The following LNX1 variants were observed in gnomAD, a reference collection of about 807,000 sequenced individuals.
LNX1 encodes ligand of numb-protein X 1, also known as E3 ubiquitin-protein ligase LNX.
LNX1 carries 54 observed loss-of-function variants against 68.4 expected under a neutral mutation model. The ratio of observed to expected loss-of-function variants is 0.79; its 90% confidence interval spans 0.63 to 0.99. LNX1 has a LOEUF of 0.99. Ranked by LOEUF, LNX1 falls within the 50% of genes least tolerant of loss-of-function variation. The pLI, the probability that LNX1 is intolerant of heterozygous loss-of-function variation, is 0.00. For synonymous variants in LNX1, 336 were observed against 350.0 expected, an observed-to-expected ratio of 0.96 and a Z score of 0.45; for missense variants, 906 against 926.4, an observed-to-expected ratio of 0.98 and a Z score of 0.29.
chr4:53,570,374 T>G (rs530188620), intron 2 of LNX1, among the ~76,000 whole-genome samples: 214 of 148,972 alleles, frequency 1.4e-3, no homozygotes, highest in African/African-American at 5.1e-3. Context: ...GGGACATGGA[T>G]GAAATTGGAA....
At chr4:53,538,297 T>G (rs1256309484) in intron 2 of LNX1, among the ~76,000 whole-genome samples, 1 of 152,188 alleles carries the variant, frequency 6.6e-6, no homozygotes, top group Non-Finnish European at 1.5e-5. Context: ...CAAGACCCTC[T>G]TCTTTCAGGC....
At chr4:53,496,974 C>T (rs551812774) in intron 5 of LNX1, among the ~76,000 whole-genome samples, 4 of 152,050 alleles carry the variant, frequency 2.6e-5, no homozygotes, top group Non-Finnish European at 2.9e-5. Context: ...TGTGTGTGTG[C>T]GGATGGGAAT....
At chr4:53,610,481 GC>G (rs906874431) in intron 2 of LNX1, among the ~76,000 whole-genome samples, 4 of 152,070 alleles carry the variant, frequency 2.6e-5, no homozygotes, top group African/African-American at 9.7e-5. Context: ...GCCGAGGTGG[GC>G]GGATCACGAG....
In LNX1 at chr4:53,460,655, T is replaced by TGAA; in HGVS notation, c.*249_*251dup. Reference sequence around the variant, plus strand: ...TTTTAGTTGTTTTAGGGCTTTTTATTGAATAGAAAAAATATAAACAATGTT... The same window carrying TGAA: ...TTTTAGTTGTTTTAGGGCTTTTTATTGAAGAATAGAAAAAATATAAACAATGTT... On this transcript the variant is annotated 3_prime_UTR_variant, in exon 11 of 11. Transcript: ENST00000263925. 1 of 374,914 alleles carries TGAA rather than the reference T, an allele frequency of 2.7e-6. No homozygotes were observed. The highest frequency in any genetic ancestry group is 4.9e-5 in the East Asian group (1 of 20,464). The allele number at this position is 374,914 out of a possible 1,614,324, so 23.2% of individuals were successfully genotyped here. A position where few individuals can be genotyped will look rare whatever the true frequency, so the allele number is the denominator to read the frequency against.
chr4:53,602,477 C>T (rs1203204720), intron 2 of LNX1, among the ~76,000 whole-genome samples: 1 of 152,214 alleles, frequency 6.6e-6, no homozygotes, highest in African/African-American at 2.4e-5. Context: ...CACTCAGTCA[C>T]TCTGACACTG....
At chr4:53,622,011 C>A (rs1397664292), upstream of LNX1, among the ~76,000 whole-genome samples, 10 of 152,058 alleles carry the variant, frequency 6.6e-5, no homozygotes, top group Non-Finnish European at 4.4e-5. Flanking sequence ...GGTGCAGAGG[C>A]CCCTTTGGAA....
chr4:53,593,762 G>A (rs888884646), upstream of LNX1: 2 of 151,978 alleles, frequency 1.3e-5, no homozygotes, highest in African/African-American at 4.8e-5. Context: ...AATGAACATT[G>A]TGTTTAACAG....
upstream of LNX1, among the ~76,000 whole-genome samples, chr4:53,618,016 T>C (rs905751952): frequency 1.3e-5 from 2 of 152,194 alleles, no homozygotes. Flanking sequence ...CTTATTGGTG[T>C]TTTTGAAATT....
intron 2 of LNX1, among the ~76,000 whole-genome samples, chr4:53,553,517 C>T (rs75421795): frequency 6.6e-6 from 1 of 152,342 alleles, no homozygotes; most frequent in Non-Finnish European, 1.5e-5. Flanking sequence ...CTACAAGTCT[C>T]TCCACATGCA....
At chr4:53,507,947 C>T (rs1036478078) in intron 3 of LNX1, 39 bp downstream of exon 3, 30 of 1,596,662 alleles carry the variant, frequency 1.9e-5, no homozygotes, top group African/African-American at 5.4e-5. Flanking sequence ...AATCGCAAGC[C>T]AAGGAGCCCA....
intron 2 of LNX1, among the ~76,000 whole-genome samples, chr4:53,526,895 C>T (rs558535586): frequency 2.3e-4 from 35 of 151,912 alleles, no homozygotes; most frequent in African/African-American, 6.5e-4. Context: ...AGAAGGCTCA[C>T]GATGTTTATA....
intron 2 of LNX1, among the ~76,000 whole-genome samples, chr4:53,608,824 C>T (rs1287879582): frequency 1.3e-5 from 2 of 152,078 alleles, no homozygotes; most frequent in African/African-American, 4.8e-5. Context: ...ATGGAGAGAG[C>T]TGGAGGCCAT....
At chr4:53,592,450 G>A (rs141071349), upstream of LNX1, among the ~76,000 whole-genome samples, 78 of 152,244 alleles carry the variant, frequency 5.1e-4, no homozygotes, top group African/African-American at 1.9e-3. Flanking sequence ...ATCTTCCCAG[G>A]AGGGCTGTAA....
At chr4:53,468,598 C>A (rs1722884249) in intron 9 of LNX1, among the ~76,000 whole-genome samples, 1 of 152,184 alleles carries the variant, frequency 6.6e-6, no homozygotes, top group Non-Finnish European at 1.5e-5. Context: ...GGAAACCCAT[C>A]TCAAGTGCAG....
chr4:53,468,112 A>T (rs2150564246), intron 9 of LNX1, among the ~76,000 whole-genome samples: 1 of 152,346 alleles, frequency 6.6e-6, no homozygotes, highest in Non-Finnish European at 1.5e-5. Flanking sequence ...TTACCCACAA[A>T]GGGAAGCCCA....
intron 2 of LNX1, among the ~76,000 whole-genome samples, chr4:53,601,389 G>T (rs1291193642): frequency 3.3e-5 from 5 of 152,258 alleles, no homozygotes; most frequent in Admixed American, 3.3e-4. Flanking sequence ...CCAGGGGGTG[G>T]ACAGGAAATG....
At chr4:53,635,071 C>A (rs984136291) in intron 1 of LNX1, among the ~76,000 whole-genome samples, 3 of 152,160 alleles carry the variant, frequency 2.0e-5, no homozygotes, top group African/African-American at 7.2e-5. Context: ...CTCAAGCAAT[C>A]CTCCTGCCTC....
At chr4:53,470,939 C>T (rs1473086923) in intron 9 of LNX1, among the ~76,000 whole-genome samples, 11 of 151,608 alleles carry the variant, frequency 7.3e-5, no homozygotes, top group Non-Finnish European at 1.0e-4. Flanking sequence ...AGATTCAGTG[C>T]CATCCCCATC....
At chr4:53,471,711 A>G (rs1723197818) in intron 9 of LNX1, among the ~76,000 whole-genome samples, 1 of 152,252 alleles carries the variant, frequency 6.6e-6, no homozygotes, top group African/African-American at 2.4e-5. Flanking sequence ...GAAGACATTT[A>G]TGCAGCCAAC....
Sources: allele counts gnomAD v4.1 joint callset (sites outside exome capture counted in the v4.1 genomes callset), GRCh38; gene constraint gnomAD v4.1.1; transcripts MANE v1.5; gene names NCBI Gene and HGNC (gene_info 2026-07-23, HGNC 2026-07-21).